C10orf90: variants seen among roughly 807,000 people sequenced by gnomAD.
The protein encoded by C10orf90 is (E2-independent) E3 ubiquitin-conjugating enzyme FATS.
C10orf90 carries 56 observed loss-of-function variants against 62.5 expected under a neutral mutation model. The observed-to-expected ratio is 0.90, with a 90% CI of 0.72 to 1.12. C10orf90 has a LOEUF of 1.12. Among genes scored for constraint, C10orf90 ranks in the 50% most tolerant of loss-of-function variants. The pLI, the probability that C10orf90 is intolerant of heterozygous loss-of-function variation, is 0.00. For missense variants in C10orf90, 970 were observed against 880.4 expected, an observed-to-expected ratio of 1.10 and a Z score of -1.29; for synonymous variants, 386 against 340.4, an observed-to-expected ratio of 1.13 and a Z score of -1.47.
chr10:126,450,662 T>A (rs1353513464), intron 7 of C10orf90, among the ~76,000 whole-genome samples: 2 of 152,214 alleles, frequency 1.3e-5, no homozygotes, highest in Non-Finnish European at 2.9e-5. Context: ...GAAATTAGAC[T>A]TTTAATTTAC....
chr10:126,539,693 A>G (rs4962576), intron 2 of C10orf90, among the ~76,000 whole-genome samples: 99,373 of 152,132 alleles, frequency 0.65, 33,461 homozygotes, highest in African/African-American at 0.82. Context: ...CAAACTTCTA[A>G]GGCTAATATA....
intron 2 of C10orf90, among the ~76,000 whole-genome samples, chr10:126,567,864 G>C (rs567644140): frequency 6.6e-6 from 1 of 152,238 alleles, no homozygotes; most frequent in South Asian, 2.1e-4. Flanking sequence ...TGAGAGGGAG[G>C]AGTGACTAGG....
At chr10:126,660,229 T>G (rs1196245444) in intron 1 of C10orf90, among the ~76,000 whole-genome samples, 1 of 152,212 alleles carries the variant, frequency 6.6e-6, no homozygotes, top group Non-Finnish European at 1.5e-5. Context: ...ATGATTAAGT[T>G]ACATTATATG....
intron 2 of C10orf90, among the ~76,000 whole-genome samples, chr10:126,631,852 T>C (rs1845856367): frequency 6.6e-6 from 1 of 151,750 alleles, no homozygotes; most frequent in East Asian, 2.0e-4. Context: ...AACCACAACG[T>C]GGACCTTCCT....
In C10orf90 at chr10:126,453,616, C is replaced by T. The variant is rs1464904374; in HGVS notation, c.2188+5424G>A. ...ATGAGCTGAGAACAGAAGGGGGCAACGTGGGCTGAGTTTGAGCACTGTCAG... is the reference window on the plus strand; with the variant it reads ...ATGAGCTGAGAACAGAAGGGGGCAATGTGGGCTGAGTTTGAGCACTGTCAG... On this transcript the variant is annotated intron_variant, in intron 7 of 9. Transcript: ENST00000488181. This position sits in a 1 kb window ranked among gnomAD's most constrained non-coding sequence, Gnocchi z 4.9. Among the ~76,000 whole-genome samples the T allele has an allele frequency of 2.0e-5, 3 of 152,090 alleles. No individual in the cohort carries two copies. The highest frequency in any genetic ancestry group is 6.6e-5 in the Admixed American group (1 of 15,266).
At chr10:126,626,246 A>G (rs1845740802) in intron 2 of C10orf90, among the ~76,000 whole-genome samples, 1 of 151,966 alleles carries the variant, frequency 6.6e-6, no homozygotes, top group South Asian at 2.1e-4. Context: ...AAGGCTGGCC[A>G]TTGCCTCCAC....
chr10:126,581,175 T>A (rs901871315), intron 2 of C10orf90, among the ~76,000 whole-genome samples: 7 of 152,182 alleles, frequency 4.6e-5, no homozygotes, highest in African/African-American at 1.7e-4. Flanking sequence ...CATTCCTCCG[T>A]CTCATGTAGC....
chr10:126,626,990 TTTTTCTTTTC>T (rs1362505219), intron 2 of C10orf90, among the ~76,000 whole-genome samples: 1 of 121,650 alleles, frequency 8.2e-6, no homozygotes, highest in Non-Finnish European at 1.8e-5. Context: ...TTTCTTTTTC[TTTTTCTTTTC>T]TTTTTTTTTT....
chr10:126,612,158 T>C (rs756601227), intron 2 of C10orf90, among the ~76,000 whole-genome samples: 17 of 152,016 alleles, frequency 1.1e-4, no homozygotes, highest in Non-Finnish European at 1.8e-4. Context: ...CTGTCTCTAA[T>C]AAAAATACAA....
intron 2 of C10orf90, among the ~76,000 whole-genome samples, chr10:126,517,855 A>G (rs1034362315): frequency 7.0e-6 from 1 of 143,630 alleles, no homozygotes; most frequent in Non-Finnish European, 1.5e-5. Context: ...GGTTATAGTG[A>G]GCTGAGATCA....
chr10:126,534,811 G>A (rs568785893), intron 2 of C10orf90, among the ~76,000 whole-genome samples: 30 of 152,226 alleles, frequency 2.0e-4, no homozygotes, highest in African/African-American at 5.3e-4. Context: ...TTGTTTCCGC[G>A]TAGTGGGAAG....
chr10:126,514,039 T>G, intron 2 of C10orf90, 100 bp from the exon 3 acceptor site: 1 of 793,138 alleles, frequency 1.3e-6, no homozygotes, highest in Non-Finnish European at 2.0e-6. Context: ...ACTCACATAT[T>G]CTATCAGCCA....
At chr10:126,508,887 G>A (rs1209241151) in intron 3 of C10orf90, among the ~76,000 whole-genome samples, 1 of 152,164 alleles carries the variant, frequency 6.6e-6, no homozygotes, top group African/African-American at 2.4e-5. Context: ...GGGGTGTGTT[G>A]CTGGGAATGA....
rs557813653 is a variant in C10orf90 at position 126,564,640 on chromosome 10, A to C, written c.314-50701T>G. Among the ~76,000 whole-genome samples, 6 of 148,842 alleles carry C rather than the reference A, an allele frequency of 4.0e-5. No individual in the cohort carries two copies. In the Admixed American group the frequency reaches 4.2e-4, roughly 10 times the overall value. ...TCCTCCATCTCATGTGGAAGTGGCC[A>C]GCCTTGCTCCACAGCCACCCAGACA... is the stretch of plus-strand genomic sequence containing the variant. On this transcript the variant is annotated intron_variant, in intron 2 of 9. Coordinates refer to ENST00000488181, the MANE Select transcript of C10orf90 (RefSeq NM_001350921.2).
At chr10:126,610,032 C>G (rs970638863) in intron 2 of C10orf90, among the ~76,000 whole-genome samples, 1 of 152,138 alleles carries the variant, frequency 6.6e-6, no homozygotes, top group African/African-American at 2.4e-5. Context: ...CTCCAGGGGC[C>G]CTCAGGATCA....
At chr10:126,625,658 A>T (rs1845728027) in intron 2 of C10orf90, among the ~76,000 whole-genome samples, 1 of 152,162 alleles carries the variant, frequency 6.6e-6, no homozygotes, top group African/African-American at 2.4e-5. Context: ...CATTTTTCTA[A>T]AGGTATCAAG....
chr10:126,653,449 T>C (rs1846330899), intron 1 of C10orf90, among the ~76,000 whole-genome samples: 1 of 152,248 alleles, frequency 6.6e-6, no homozygotes. Context: ...GAAACAATTT[T>C]CTTTGTTCCT....
intron 2 of C10orf90, among the ~76,000 whole-genome samples, chr10:126,519,703 T>C (rs1002524806): frequency 5.9e-5 from 9 of 152,240 alleles, no homozygotes; most frequent in African/African-American, 2.2e-4. Flanking sequence ...CTTGGTGTGA[T>C]TTGGCGCTAT....
At chr10:126,565,197 TAC>T (rs1335484278) in intron 2 of C10orf90, among the ~76,000 whole-genome samples, 1 of 61,850 alleles carries the variant, frequency 1.6e-5, no homozygotes, top group Non-Finnish European at 2.9e-5. Flanking sequence ...ATATTTATAT[TAC>T]ATATTATGTA....
Sources: gnomAD v4.1 joint callset for allele counts (sites outside exome capture counted in the v4.1 genomes callset) on GRCh38, gnomAD v4.1.1 for gene constraint, Gnocchi (gnomAD v3.1) non-coding constraint, MANE v1.5 for transcripts, NCBI Gene and HGNC (gene_info 2026-07-23, HGNC 2026-07-21) for gene names.